Variants in RHOT1 observed in about 807,000 individuals in gnomAD.
RHOT1 encodes mitochondrial Rho GTPase 1.
In RHOT1, 27 loss-of-function variants were observed where a neutral mutation model predicts 95.3. The ratio of observed to expected loss-of-function variants is 0.28; its 90% CI spans 0.21 to 0.39. The LOEUF is 0.39. RHOT1 is among the 10% of genes least tolerant of loss of function. The pLI, the probability that RHOT1 is intolerant of heterozygous loss-of-function variation, is 1.00. For missense variants in RHOT1, 578 were observed against 786.7 expected (o/e 0.73, Z 3.17); for synonymous variants, 227 against 263.5 (o/e 0.86, Z 1.34).
chr17:32,191,262 TTTTTTA>T (rs2036469852), intron 8 of RHOT1, among the ~76,000 whole-genome samples: 1 of 152,338 alleles, frequency 6.6e-6, no homozygotes, highest in South Asian at 2.1e-4. Context: ...TTCTTTCCTA[TTTTTTA>T]AAGAATTTCT....
At chr17:32,222,836 C>G (rs1052628814) in intron 19 of RHOT1, 16 of 985,526 alleles carry the variant, frequency 1.6e-5, no homozygotes, top group Non-Finnish European at 1.9e-5. Flanking sequence ...CAGGTGCATG[C>G]TGTCAGCTCT....
chr17:32,213,683 C>T (rs919191473), intron 19 of RHOT1, among the ~76,000 whole-genome samples: 9 of 152,264 alleles, frequency 5.9e-5, no homozygotes, highest in East Asian at 1.9e-4. Flanking sequence ...CTTGGCTCCC[C>T]GTAATTGCTG....
intron 11 of RHOT1, among the ~76,000 whole-genome samples, chr17:32,197,383 C>T (rs1358111463): frequency 6.6e-6 from 1 of 151,236 alleles, no homozygotes; most frequent in Non-Finnish European, 1.5e-5. Context: ...TGCGTGCCAC[C>T]ACACCCAGCT....
chr17:32,187,145 G>A (rs1188783054), intron 8 of RHOT1, among the ~76,000 whole-genome samples: 1 of 151,932 alleles, frequency 6.6e-6, no homozygotes, highest in East Asian at 2.0e-4. Context: ...AAGTTAGCTG[G>A]GCATATTGGC....
chr17:32,171,702 C>T (rs1036344612), intron 2 of RHOT1, among the ~76,000 whole-genome samples: 1 of 152,172 alleles, frequency 6.6e-6, no homozygotes, highest in Non-Finnish European at 1.5e-5. Context: ...TCCCTACTTG[C>T]CTTCTGCCTG....
chr17:32,221,936 A>G (rs1364921049), intron 19 of RHOT1, among the ~76,000 whole-genome samples: 4 of 152,210 alleles, frequency 2.6e-5, no homozygotes, highest in Non-Finnish European at 4.4e-5. Context: ...CTTCATCTCT[A>G]TCAACAAACA....
intron 1 of RHOT1, among the ~76,000 whole-genome samples, chr17:32,166,910 G>C (rs1169513336): frequency 6.6e-6 from 1 of 152,052 alleles, no homozygotes; most frequent in Non-Finnish European, 1.5e-5. Context: ...AATCACAAAT[G>C]TTCTTGATGG....
chr17:32,151,099 T>C lies in RHOT1; in HGVS notation c.37+8370T>C, dbSNP rs2032228948. On this transcript the variant is annotated intron_variant, in intron 1 of 19. Transcript: ENST00000545287. ...CTCCTGAGTGAAAACAGCCAGGTTA[T>C]CATCTCACATCCTCTCCAATTTACC... The C allele has an allele frequency of 2.4e-5, 23 of 944,250 alleles. 1 individual carries two copies. The highest frequency in any genetic ancestry group is 4.0e-5 in the Non-Finnish European group (23 of 574,306). 58.5% of individuals were successfully genotyped at this position (944,250 alleles called of 1,614,324 possible).
At chr17:32,155,318 C>G (rs1048440771) in intron 1 of RHOT1, among the ~76,000 whole-genome samples, 28 of 151,808 alleles carry the variant, frequency 1.8e-4, no homozygotes, top group African/African-American at 6.8e-4. Context: ...CACCACCACG[C>G]CTGGCTAATT....
At chr17:32,206,705 G>A (rs894905134) in intron 16 of RHOT1, among the ~76,000 whole-genome samples, 1 of 151,594 alleles carries the variant, frequency 6.6e-6, no homozygotes, top group Non-Finnish European at 1.5e-5. Context: ...CGCCCACCTC[G>A]GCCTCCCAAA....
At chr17:32,144,198 TTTG>T (rs1005126950) in intron 1 of RHOT1, among the ~76,000 whole-genome samples, 7 of 151,960 alleles carry the variant, frequency 4.6e-5, no homozygotes, top group South Asian at 2.1e-4. Flanking sequence ...GATGAAATAG[TTTG>T]TTGTTGTTGT....
chr17:32,150,014 G>T (rs1463140848), intron 1 of RHOT1, among the ~76,000 whole-genome samples: 1 of 152,112 alleles, frequency 6.6e-6, no homozygotes, highest in East Asian at 1.9e-4. Context: ...GCCTCCCAAA[G>T]TGCTGGTATT....
intron 8 of RHOT1, among the ~76,000 whole-genome samples, chr17:32,189,736 C>CTTTTTTTTTTTTTTT (rs71362807): frequency 2.4e-5 from 3 of 124,394 alleles, no homozygotes; most frequent in Non-Finnish European, 3.3e-5. Flanking sequence ...CTTTTCTTTT[C>CTTTTTTTTTTTTTTT]TTTTTTTTTT....
chr17:32,197,602 G>C (rs960578317), intron 11 of RHOT1, among the ~76,000 whole-genome samples: 1 of 151,314 alleles, frequency 6.6e-6, no homozygotes, highest in African/African-American at 2.4e-5. Flanking sequence ...ATTTTTTTTT[G>C]TATTTTTAGT....
At chr17:32,222,564 T>A (rs2038897193) in intron 19 of RHOT1, among the ~76,000 whole-genome samples, 1 of 151,996 alleles carries the variant, frequency 6.6e-6, no homozygotes, top group Admixed American at 6.6e-5. Context: ...ACAGAGTACA[T>A]ACAGATAGAT....
chr17:32,198,509 G>C (rs2037070818), intron 11 of RHOT1, among the ~76,000 whole-genome samples: 1 of 152,052 alleles, frequency 6.6e-6, no homozygotes, highest in Non-Finnish European at 1.5e-5. Flanking sequence ...CCAGGAGTTT[G>C]AGCCAGCCTG....
intron 8 of RHOT1, among the ~76,000 whole-genome samples, chr17:32,191,805 T>G (rs545943472): frequency 6.6e-6 from 1 of 152,180 alleles, no homozygotes; most frequent in East Asian, 1.9e-4. Flanking sequence ...CTACCAGAAG[T>G]CTGATGATCA....
chr17:32,176,057 G>A lies in RHOT1; in HGVS notation c.276+42G>A. On this transcript the variant is annotated intron_variant, in intron 5 of 19. Transcript: ENST00000545287. ...TTTCCCTATAGTTGGTTTCAGTGGA[G>A]TGCTTCCAAAGTTGATTCTCAGTTT... 7 of 1,583,274 alleles carry A rather than the reference G, an allele frequency of 4.4e-6. No homozygotes were observed. In the South Asian group the frequency reaches 4.6e-5, roughly 10 times the overall value.
chr17:32,144,175 T>C (rs1243909280), intron 1 of RHOT1, among the ~76,000 whole-genome samples: 1 of 152,136 alleles, frequency 6.6e-6, no homozygotes, highest in Non-Finnish European at 1.5e-5. Context: ...AAAAAACTGA[T>C]CCTTAAATAT....
Sources: gnomAD v4.1 joint callset for allele counts (sites outside exome capture counted in the v4.1 genomes callset) on GRCh38, gnomAD v4.1.1 for gene constraint, MANE v1.5 for transcripts, NCBI Gene and HGNC (gene_info 2026-07-23, HGNC 2026-07-21) for gene names.